Variants in CDKAL1 observed in about 807,000 individuals in gnomAD.
The protein encoded by CDKAL1 is CDKAL1 threonylcarbamoyladenosine tRNA methylthiotransferase, also known as threonylcarbamoyladenosine tRNA methylthiotransferase.
CDKAL1 carries 32 observed loss-of-function variants against 68.2 expected under a neutral mutation model. The ratio of observed to expected loss-of-function variants is 0.47; its 90% CI spans 0.35 to 0.63. CDKAL1 has a LOEUF of 0.63. CDKAL1 is among the 30% of genes least tolerant of loss of function. The probability of loss-of-function intolerance (pLI) is 0.00; values close to 1 mark genes in which losing one functional copy is unlikely to be tolerated. For missense variants in CDKAL1, 606 were observed against 696.7 expected, an observed-to-expected ratio of 0.87 and a Z score of 1.47; for synonymous variants, 234 against 244.3, an observed-to-expected ratio of 0.96 and a Z score of 0.39.
At chr6:20,562,435 G>T (rs942010128) in intron 4 of CDKAL1, among the ~76,000 whole-genome samples, 1 of 152,104 alleles carries the variant, frequency 6.6e-6, no homozygotes, top group Non-Finnish European at 1.5e-5. Flanking sequence ...AGAGCCTGGG[G>T]ATGAAATTAA....
intron 11 of CDKAL1, among the ~76,000 whole-genome samples, chr6:21,056,705 C>T (rs1582110334): frequency 6.6e-6 from 1 of 152,146 alleles, no homozygotes; most frequent in African/African-American, 2.4e-5. Flanking sequence ...CCATCAATAC[C>T]TAGTTAATTG....
chr6:20,544,049 T>G (rs1763491153), intron 2 of CDKAL1, among the ~76,000 whole-genome samples: 1 of 152,090 alleles, frequency 6.6e-6, no homozygotes, highest in Non-Finnish European at 1.5e-5. Context: ...ATGTTTTACA[T>G]TTAAGTCTAT....
intron 9 of CDKAL1, among the ~76,000 whole-genome samples, chr6:20,887,986 T>A (rs1475008695): frequency 2.0e-5 from 3 of 152,040 alleles, no homozygotes; most frequent in African/African-American, 4.8e-5. Flanking sequence ...TCTTTTTTTT[T>A]AAATTATACT....
intron 9 of CDKAL1, among the ~76,000 whole-genome samples, chr6:20,899,306 A>C (rs543676175): frequency 1.3e-5 from 2 of 151,816 alleles, no homozygotes; most frequent in East Asian, 3.9e-4. Flanking sequence ...CTCGTGATCC[A>C]CCTGCCTCGG....
intron 11 of CDKAL1, among the ~76,000 whole-genome samples, chr6:21,024,887 C>T (rs1297527827): frequency 6.6e-6 from 1 of 152,182 alleles, no homozygotes; most frequent in African/African-American, 2.4e-5. Context: ...CTTTTCCCAG[C>T]ATGGCTTAAT....
chr6:20,801,986 G>A (rs1048715173), intron 8 of CDKAL1, among the ~76,000 whole-genome samples: 4 of 152,066 alleles, frequency 2.6e-5, no homozygotes, highest in Admixed American at 1.3e-4. Flanking sequence ...TGCAATATTT[G>A]CTGTTAACCT....
chr6:20,717,033 A>G (rs901835269), intron 5 of CDKAL1, among the ~76,000 whole-genome samples: 16 of 152,104 alleles, frequency 1.1e-4, no homozygotes, highest in Non-Finnish European at 2.1e-4. Flanking sequence ...ATTGAGTTAG[A>G]TGAAGACTGA....
chr6:20,667,129 C>G (rs1343139342), intron 5 of CDKAL1, among the ~76,000 whole-genome samples: 1 of 152,154 alleles, frequency 6.6e-6, no homozygotes, highest in Admixed American at 6.5e-5. Context: ...GAATGGCAGG[C>G]TTAAGGATTT....
chr6:20,786,396 A>G (rs1015092480), intron 8 of CDKAL1, among the ~76,000 whole-genome samples: 1 of 152,016 alleles, frequency 6.6e-6, no homozygotes, highest in African/African-American at 2.4e-5. Context: ...TCAGTATCAT[A>G]GGGAGTCAAC....
In CDKAL1 at chr6:21,197,192, T is replaced by A. The variant is rs577138951; in HGVS notation, c.1300-829T>A. 5.3e-5 allele frequency among the ~76,000 whole-genome samples: 8 copies of A among 152,040 alleles called. No individual in the cohort carries two copies. The East Asian group carries it at 1.4e-3, about 26-fold the overall frequency. On this transcript the variant is annotated intron_variant, in intron 13 of 15. Coordinates refer to ENST00000274695, the MANE Select transcript of CDKAL1 (RefSeq NM_017774.3). ...AAATAATAATAATAATAATACTTGATACCTTAAGTGCTGCATTTCACAGTA... is the reference window on the plus strand; with the variant it reads ...AAATAATAATAATAATAATACTTGAAACCTTAAGTGCTGCATTTCACAGTA...
At chr6:20,820,198 A>C (rs1223008775) in intron 8 of CDKAL1, among the ~76,000 whole-genome samples, 1 of 152,154 alleles carries the variant, frequency 6.6e-6, no homozygotes, top group Non-Finnish European at 1.5e-5. Flanking sequence ...ACAAGTTGCT[A>C]GCGGAAGAGG....
chr6:20,946,730 G>A (rs1005145822), intron 9 of CDKAL1, among the ~76,000 whole-genome samples: 18 of 151,714 alleles, frequency 1.2e-4, no homozygotes, highest in Admixed American at 2.6e-4. Context: ...CCGAGTAGCT[G>A]GGATTACAGG....
At chr6:21,184,300 T>C (rs1777918422) in intron 13 of CDKAL1, among the ~76,000 whole-genome samples, 1 of 151,854 alleles carries the variant, frequency 6.6e-6, no homozygotes, top group African/African-American at 2.4e-5. Context: ...GTTCAAGCGA[T>C]TCTCCTGCCT....
At chr6:21,207,902 C>T (rs934914954) in intron 15 of CDKAL1, among the ~76,000 whole-genome samples, 3 of 152,120 alleles carry the variant, frequency 2.0e-5, no homozygotes, top group Non-Finnish European at 4.4e-5. Context: ...GAAACCAGAC[C>T]AACTGCTGAG....
chr6:20,923,570 C>T (rs1053736319), intron 9 of CDKAL1, among the ~76,000 whole-genome samples: 1 of 152,202 alleles, frequency 6.6e-6, no homozygotes, highest in Non-Finnish European at 1.5e-5. Flanking sequence ...TGTTCCCCCA[C>T]CAGCCATTCA....
chr6:20,722,349 C>G (rs1581446728), intron 5 of CDKAL1: 1 of 212,442 alleles, frequency 4.7e-6, no homozygotes, highest in East Asian at 1.3e-4. Context: ...TAATTTGGCT[C>G]TTTCTCTTCT....
At chr6:20,544,065 A>G (rs192330286) in intron 2 of CDKAL1, among the ~76,000 whole-genome samples, 8 of 152,138 alleles carry the variant, frequency 5.3e-5, no homozygotes, top group Non-Finnish European at 8.8e-5. Flanking sequence ...TCTATGATCC[A>G]TTTTGAATTA....
At chr6:21,113,890 T>C (rs1407311496) in intron 13 of CDKAL1, among the ~76,000 whole-genome samples, 1 of 151,166 alleles carries the variant, frequency 6.6e-6, no homozygotes, top group Non-Finnish European at 1.5e-5. Flanking sequence ...CAGTGAGCCA[T>C]AATTGCACCA....
rs74461353 is a variant in CDKAL1 at position 20,793,416 on chromosome 6, T to G, written c.638+12151T>G. On this transcript the variant is annotated intron_variant, in intron 8 of 15. Coordinates refer to ENST00000274695, the MANE Select transcript of CDKAL1 (RefSeq NM_017774.3). ...AAGAGATGTCAAATGCCCATGAGGA[T>G]GGAGTATGGTTGAGATTCTGCTACT... is the stretch of plus-strand genomic sequence containing the variant. Among the ~76,000 whole-genome samples, 402 of 152,248 alleles carry G rather than the reference T, an allele frequency of 2.6e-3. 3 individuals carry two copies. The highest frequency in any genetic ancestry group is 9.1e-3 in the African/African-American group (379 of 41,558).
Sources: allele counts gnomAD v4.1 joint callset (sites outside exome capture counted in the v4.1 genomes callset), GRCh38; gene constraint gnomAD v4.1.1; transcripts MANE v1.5; gene names NCBI Gene and HGNC (gene_info 2026-07-23, HGNC 2026-07-21).